The following LIMK2 variants were observed in gnomAD, a reference collection of about 807,000 sequenced individuals.
LIMK2 encodes the protein LIM domain kinase 2.
Under a neutral mutation model 75.7 loss-of-function variants are expected in LIMK2, and 35 were observed. The ratio of observed to expected loss-of-function variants is 0.46; its 90% CI spans 0.35 to 0.61. The LOEUF is 0.61. LIMK2 is among the 20% of genes least tolerant of loss of function. The pLI is 0.00. For missense variants in LIMK2, 623 were observed against 831.0 expected, an observed-to-expected ratio of 0.75 and a Z score of 3.08; for synonymous variants, 301 against 319.2, an observed-to-expected ratio of 0.94 and a Z score of 0.61.
Position 31,262,171 on chromosome 22 carries a change from G to T in LIMK2, c.589G>T (p.Ala197Ser), listed in dbSNP as rs371699959. 7 of 1,614,018 alleles carry T rather than the reference G, an allele frequency of 4.3e-6. No homozygotes were observed. In the South Asian group the frequency reaches 7.7e-5, roughly 18 times the overall value. Residue 197 changes from alanine to serine, a missense_variant, in exon 6 of 16, where the codon GCC becomes TCC. Ala to Ser is a moderately conservative substitution (Grantham distance 99). Coordinates refer to ENST00000331728, the MANE Select transcript of LIMK2 (RefSeq NM_005569.4). This position sits in a 1 kb window ranked among gnomAD's most constrained non-coding sequence, Gnocchi z 5.0. ...RMHISPNNRN[A>S]IHPGDRILEI... ...GCACATCAGTCCCAACAATCGAAACGCCATCCACCCTGGGGACCGCATCCT... is the reference window on the plus strand; with the variant it reads ...GCACATCAGTCCCAACAATCGAAACTCCATCCACCCTGGGGACCGCATCCT...
intron 1 of LIMK2, among the ~76,000 whole-genome samples, chr22:31,222,116 G>A (rs1031016539): frequency 1.3e-5 from 2 of 151,974 alleles, no homozygotes; most frequent in South Asian, 2.1e-4. Flanking sequence ...TCTTGCCCAG[G>A]CTGGAGTGCA....
intron 2 of LIMK2, among the ~76,000 whole-genome samples, chr22:31,230,532 G>A (rs910764859): frequency 1.3e-5 from 2 of 152,160 alleles, no homozygotes; most frequent in Admixed American, 6.5e-5. Context: ...GTTCCTAGCA[G>A]CATTATCAGA....
At chr22:31,246,175 G>GCACTCACACACACACACACA (rs1300039438) in intron 2 of LIMK2, among the ~76,000 whole-genome samples, 1 of 78,054 alleles carries the variant, frequency 1.3e-5, no homozygotes, top group African/African-American at 4.7e-5. Context: ...TCCGACACAC[G>GCACTCACACACACACACACA]CACGCACGCA....
At chr22:31,237,837 GCTCACA>G (rs2048592324) in intron 2 of LIMK2, among the ~76,000 whole-genome samples, 1 of 151,826 alleles carries the variant, frequency 6.6e-6, no homozygotes. Context: ...GAGCGCAGTG[GCTCACA>G]CCTGTAATCC....
chr22:31,225,879 T>G (rs908166963), intron 2 of LIMK2, 60 bp downstream of exon 2: 1 of 1,222,606 alleles, frequency 8.2e-7, no homozygotes, highest in East Asian at 2.4e-5. Context: ...CTATTTCATG[T>G]TCTGATGGAA....
In LIMK2 at chr22:31,277,464, A is replaced by G. The variant is rs5753535; in HGVS notation, c.1773-833A>G. 14,678 of 1,116,234 alleles carry G rather than the reference A, an allele frequency of 0.013. 1,153 individuals are homozygous for G. The East Asian group carries it at 0.32, about 25-fold the overall frequency. 69.1% of individuals were successfully genotyped at this position (1,116,234 alleles called of 1,614,324 possible). Reference sequence around the variant, plus strand: ...TCCAGCGGTCCACATTAGAGTTGAAATTTTCTGGTGGGAGAATCTATACCT... The same window carrying G: ...TCCAGCGGTCCACATTAGAGTTGAAGTTTTCTGGTGGGAGAATCTATACCT... On this transcript the variant is annotated intron_variant, in intron 15 of 15. Transcript: ENST00000331728.
At chr22:31,219,099 C>G (rs2048412245) in intron 1 of LIMK2, among the ~76,000 whole-genome samples, 1 of 152,310 alleles carries the variant, frequency 6.6e-6, no homozygotes, top group Admixed American at 6.5e-5. Flanking sequence ...TGTTCTTGAG[C>G]AAGTCTCAAC....
chr22:31,238,800 G>A lies in LIMK2; in HGVS notation c.116+12981G>A, dbSNP rs181174231. Among the ~76,000 whole-genome samples, 251 of 152,322 alleles carry A rather than the reference G, an allele frequency of 1.6e-3. 1 individual carries two copies. Among genetic ancestry groups the A allele is most frequent in the African/African-American group, 5.7e-3 (235 of 41,580 alleles). On this transcript the variant is annotated intron_variant, in intron 2 of 15. Coordinates refer to ENST00000331728, the MANE Select transcript of LIMK2 (RefSeq NM_005569.4). ...GCCTAAGATCACACGCAGATTTTCT[G>A]TTAACCAGGGTGATTTTTCAGGTGT...
chr22:31,249,650 C>T (rs2048705763), intron 2 of LIMK2, among the ~76,000 whole-genome samples: 1 of 152,166 alleles, frequency 6.6e-6, no homozygotes, highest in Admixed American at 6.5e-5. Flanking sequence ...AAAAAGGCTG[C>T]CTCCCCCTCA....
At chr22:31,255,978 CTTTTTTTTTTTTTTTTTTTTTTTTTTT>C (rs567250437) in intron 2 of LIMK2, among the ~76,000 whole-genome samples, 1 of 29,638 alleles carries the variant, frequency 3.4e-5, no homozygotes, top group Admixed American at 4.6e-4. Flanking sequence ...TATATTGGGT[CTTTTTTTTTTTTTTTTTTTTTTTTTTT>C]TTTTTTTTTT....
intron 2 of LIMK2, among the ~76,000 whole-genome samples, chr22:31,239,780 A>G (rs1463301921): frequency 1.3e-5 from 2 of 152,188 alleles, no homozygotes; most frequent in East Asian, 3.8e-4. Flanking sequence ...CCTAGAATGT[A>G]GTGGGTGCTC....
intron 2 of LIMK2, among the ~76,000 whole-genome samples, chr22:31,241,372 T>C (rs1054398447): frequency 3.3e-5 from 5 of 152,218 alleles, no homozygotes; most frequent in Non-Finnish European, 1.5e-5. Flanking sequence ...CTGTGAACCT[T>C]AGTTCCCTCA....
chr22:31,271,266 G>A lies in LIMK2; in HGVS notation c.1383+65G>A, dbSNP rs891775568. The stretch of plus-strand genomic sequence containing the variant: ...TCCTTCCTGGCTTCCTTGTCACAAA[G>A]GAGGCTGACTTGTCCCCTCTGGCTA... On this transcript the variant is annotated intron_variant, in intron 12 of 15. Coordinates refer to ENST00000331728, the MANE Select transcript of LIMK2 (RefSeq NM_005569.4). 18 of 1,422,882 alleles carry A rather than the reference G, an allele frequency of 1.3e-5. No homozygotes were observed. The Admixed American group carries it at 2.8e-4, about 22-fold the overall frequency. 88.1% of individuals were successfully genotyped at this position (1,422,882 alleles called of 1,614,324 possible). A position where few individuals can be genotyped will look rare whatever the true frequency, so the allele number is the denominator to read the frequency against.
chr22:31,226,926 T>G (rs2048485737), intron 2 of LIMK2, among the ~76,000 whole-genome samples: 1 of 152,218 alleles, frequency 6.6e-6, no homozygotes, highest in African/African-American at 2.4e-5. Context: ...TACATTATTT[T>G]TGTAGGCAGC....
At chr22:31,230,780 A>G (rs138134984) in intron 2 of LIMK2, among the ~76,000 whole-genome samples, 74 of 152,250 alleles carry the variant, frequency 4.9e-4, no homozygotes, top group Admixed American at 1.8e-3. Context: ...GCAACCAGAG[A>G]CTGTGTTGTA....
At chr22:31,271,898 A>C (rs1338504601) in intron 12 of LIMK2, among the ~76,000 whole-genome samples, 1 of 152,140 alleles carries the variant, frequency 6.6e-6, no homozygotes, top group Non-Finnish European at 1.5e-5. Context: ...GAAAAACAAA[A>C]GCAACCCCCT....
intron 2 of LIMK2, 139 bp downstream of exon 2, chr22:31,225,958 A>C: frequency 1.4e-6 from 1 of 701,740 alleles, no homozygotes; most frequent in Non-Finnish European, 2.5e-6. Context: ...ACCAAGGAAG[A>C]GCTCATGACC....
At chr22:31,244,051 C>T (rs2048645552) in intron 2 of LIMK2, among the ~76,000 whole-genome samples, 1 of 152,214 alleles carries the variant, frequency 6.6e-6, no homozygotes, top group African/African-American at 2.4e-5. Flanking sequence ...CAGGGGGAGG[C>T]AGTTTTCATG....
intron 15 of LIMK2, chr22:31,277,220 G>A (rs1208834394): frequency 1.0e-5 from 16 of 1,596,568 alleles, no homozygotes; most frequent in African/African-American, 1.3e-5. Flanking sequence ...AATACCGGGG[G>A]ACCCTGCGGC....
Sources: gnomAD v4.1 joint callset for allele counts (sites outside exome capture counted in the v4.1 genomes callset) on GRCh38, gnomAD v4.1.1 for gene constraint, Gnocchi (gnomAD v3.1) non-coding constraint, MANE v1.5 for transcripts, NCBI Gene and HGNC (gene_info 2026-07-23, HGNC 2026-07-21) for gene names.